MACROD2: variants seen among roughly 807,000 people sequenced by gnomAD.
The protein encoded by MACROD2 is ADP-ribose glycohydrolase MACROD2.
In MACROD2, 36 loss-of-function variants were observed where a neutral mutation model predicts 70.4. That is an observed-to-expected ratio of 0.51 (90% CI 0.39 to 0.68). The LOEUF is 0.68. Among genes scored for constraint, MACROD2 ranks in the 30% least tolerant of loss-of-function variants. The pLI, the probability that MACROD2 is intolerant of heterozygous loss-of-function variation, is 0.00. For synonymous variants in MACROD2, 172 were observed against 178.8 expected, an observed-to-expected ratio of 0.96 and a Z score of 0.30; for missense variants, 496 against 538.4, an observed-to-expected ratio of 0.92 and a Z score of 0.78.
At chr20:14,610,737 T>C (rs1482113329) in intron 4 of MACROD2, among the ~76,000 whole-genome samples, 1 of 152,104 alleles carries the variant, frequency 6.6e-6, no homozygotes, top group Non-Finnish European at 1.5e-5. Context: ...CTTTTCAAGA[T>C]AGTGTATGTG....
At chr20:14,670,374 G>A (rs532039797) in intron 4 of MACROD2, among the ~76,000 whole-genome samples, 11 of 152,106 alleles carry the variant, frequency 7.2e-5, no homozygotes, top group African/African-American at 9.6e-5. Context: ...CAATCTTAAG[G>A]TCCCATGGCT....
chr20:15,198,137 T>G (rs148162419), intron 5 of MACROD2, among the ~76,000 whole-genome samples: 2,065 of 152,132 alleles, frequency 0.014, 54 homozygotes, highest in African/African-American at 0.048. Context: ...ATTTCTGTAT[T>G]TTCAGTAGAG....
At chr20:14,479,405 C>T (rs1430152642) in intron 3 of MACROD2, among the ~76,000 whole-genome samples, 2 of 152,110 alleles carry the variant, frequency 1.3e-5, no homozygotes, top group Admixed American at 1.3e-4. Context: ...AGCTTATCTT[C>T]AGTGGGGCTC....
intron 3 of MACROD2, among the ~76,000 whole-genome samples, chr20:14,196,136 C>G (rs1235821893): frequency 6.6e-6 from 1 of 152,142 alleles, no homozygotes; most frequent in Non-Finnish European, 1.5e-5. Flanking sequence ...ATGAGCCACA[C>G]CCCCATCACA....
chr20:14,541,708 G>T (rs1045803571), intron 4 of MACROD2, among the ~76,000 whole-genome samples: 2 of 152,028 alleles, frequency 1.3e-5, no homozygotes, highest in East Asian at 1.9e-4. Flanking sequence ...GATTCATTTT[G>T]TGTGGTTATG....
At chr20:15,543,886 T>C (rs2047991315) in intron 8 of MACROD2, among the ~76,000 whole-genome samples, 1 of 152,326 alleles carries the variant, frequency 6.6e-6, no homozygotes, top group Non-Finnish European at 1.5e-5. Context: ...GTTCTTCTCA[T>C]GGTAGAGGTA....
chr20:15,472,465 G>A (rs1177442986), intron 7 of MACROD2, among the ~76,000 whole-genome samples: 1 of 151,942 alleles, frequency 6.6e-6, no homozygotes. Flanking sequence ...TTGTTTCACT[G>A]GCCTCAGATT....
At chr20:14,240,758 A>G (rs932922282) in intron 3 of MACROD2, among the ~76,000 whole-genome samples, 1 of 152,214 alleles carries the variant, frequency 6.6e-6, no homozygotes, top group African/African-American at 2.4e-5. Flanking sequence ...TACCTGGGTG[A>G]CTGAATAATC....
intron 3 of MACROD2, among the ~76,000 whole-genome samples, chr20:14,425,564 C>T (rs1158121427): frequency 1.3e-5 from 2 of 152,100 alleles, no homozygotes; most frequent in Non-Finnish European, 2.9e-5. Context: ...TAATTCAAAC[C>T]AAACATTTAA....
At chr20:15,404,327 G>C (rs547750334) in intron 6 of MACROD2, among the ~76,000 whole-genome samples, 1 of 152,014 alleles carries the variant, frequency 6.6e-6, no homozygotes, top group Non-Finnish European at 1.5e-5. Flanking sequence ...TATATTTTAA[G>C]GGAATCTTAT....
chr20:14,793,976 A>G (rs916637556), intron 5 of MACROD2, among the ~76,000 whole-genome samples: 2 of 152,072 alleles, frequency 1.3e-5, no homozygotes, highest in Admixed American at 1.3e-4. Context: ...CCTATGGCAG[A>G]ATCTAACAGG....
intron 3 of MACROD2, among the ~76,000 whole-genome samples, chr20:14,268,732 C>G (rs1251642231): frequency 3.9e-5 from 6 of 152,152 alleles, no homozygotes; most frequent in African/African-American, 1.4e-4. Context: ...AAAATATTAA[C>G]TATTCATATG....
At chr20:14,254,510 T>G (rs2082037611) in intron 3 of MACROD2, among the ~76,000 whole-genome samples, 1 of 152,044 alleles carries the variant, frequency 6.6e-6, no homozygotes, top group Non-Finnish European at 1.5e-5. Flanking sequence ...TAAAATTGAG[T>G]CTTTAATTAT....
chr20:14,591,019 A>G (rs1052778686), intron 4 of MACROD2, among the ~76,000 whole-genome samples: 2 of 152,192 alleles, frequency 1.3e-5, no homozygotes, highest in African/African-American at 2.4e-5. Context: ...TTGATGTTAT[A>G]CGAAACTGTA....
chr20:14,442,021 G>C (rs79426661), intron 3 of MACROD2, among the ~76,000 whole-genome samples: 3,502 of 152,172 alleles, frequency 0.023, 151 homozygotes, highest in African/African-American at 0.078. Context: ...TGTAATTCCA[G>C]CACTTTGGGA....
chr20:15,128,927 T>G (rs1295153998), intron 5 of MACROD2, among the ~76,000 whole-genome samples: 1 of 152,008 alleles, frequency 6.6e-6, no homozygotes, highest in Non-Finnish European at 1.5e-5. Flanking sequence ...AAAATCACCA[T>G]TAGCATAAAT....
At chr20:15,625,270 C>T (rs1025847657) in intron 8 of MACROD2, among the ~76,000 whole-genome samples, 1 of 152,040 alleles carries the variant, frequency 6.6e-6, no homozygotes, top group Admixed American at 6.6e-5. Context: ...ACGAGGAAGC[C>T]CCGTAGCTAA....
rs376517922 is a variant in MACROD2 at position 14,785,344 on chromosome 20, A to G, written c.418+100385A>G. ...CCTCTCCTGTTTCCCACCCATTTCT[A>G]TGTTTGCACACTTGTAAGCTAATCT... On this transcript the variant is annotated intron_variant, in intron 5 of 17. Coordinates refer to ENST00000684519, the MANE Select transcript of MACROD2 (RefSeq NM_001351661.2). Among the ~76,000 whole-genome samples the G allele has an allele frequency of 3.4e-4, 51 of 152,118 alleles. 1 individual carries two copies. In the South Asian group the frequency reaches 8.9e-3, roughly 27 times the overall value.
intron 6 of MACROD2, among the ~76,000 whole-genome samples, chr20:15,401,840 C>T (rs1196512340): frequency 1.3e-5 from 2 of 152,126 alleles, no homozygotes; most frequent in Non-Finnish European, 2.9e-5. Flanking sequence ...AGATGGAGAC[C>T]TTGGGGGAAT....
Sources: gnomAD v4.1 joint callset for allele counts (sites outside exome capture counted in the v4.1 genomes callset) on GRCh38, gnomAD v4.1.1 for gene constraint, MANE v1.5 for transcripts, NCBI Gene and HGNC (gene_info 2026-07-23, HGNC 2026-07-21) for gene names.